SMYD3: variants seen among roughly 807,000 people sequenced by gnomAD.
SMYD3 encodes SET and MYND domain containing 3, also known as histone-lysine N-methyltransferase SMYD3.
In SMYD3, 36 loss-of-function variants were observed where a neutral mutation model predicts 57.7. The ratio of observed to expected loss-of-function variants is 0.62; its 90% CI spans 0.48 to 0.82. The LOEUF (loss-of-function observed/expected upper bound fraction) is 0.82. Among genes scored for constraint, SMYD3 ranks in the 40% least tolerant of loss-of-function variants. SMYD3 has a pLI of 0.00. For synonymous variants in SMYD3, 211 were observed against 195.0 expected (o/e 1.08, Z -0.68); for missense variants, 515 against 538.8 (o/e 0.96, Z 0.44).
At chr1:246,361,021 A>C (rs918699154) in intron 1 of SMYD3, among the ~76,000 whole-genome samples, 7 of 152,248 alleles carry the variant, frequency 4.6e-5, no homozygotes, top group Admixed American at 3.3e-4. Context: ...CAAACCACAG[A>C]GTGGGAGAAA....
intron 5 of SMYD3, among the ~76,000 whole-genome samples, chr1:246,300,464 G>A (rs992345714): frequency 3.9e-5 from 6 of 152,140 alleles, no homozygotes; most frequent in Admixed American, 6.6e-5. Context: ...TTAGGTGTAC[G>A]GGTGAGGAAA....
intron 5 of SMYD3, among the ~76,000 whole-genome samples, chr1:245,937,293 G>T (rs1202998358): frequency 6.6e-6 from 1 of 152,206 alleles, no homozygotes; most frequent in Non-Finnish European, 1.5e-5. Flanking sequence ...CTCTCCCACA[G>T]TCAAACTGCC....
At chr1:245,858,149 T>C (rs114798242) in intron 10 of SMYD3, among the ~76,000 whole-genome samples, 1 of 152,144 alleles carries the variant, frequency 6.6e-6, no homozygotes, top group African/African-American at 2.4e-5. Flanking sequence ...TCAAGCTAGG[T>C]CTGAGCCTGC....
At chr1:246,171,498 T>C (rs1427756206) in intron 5 of SMYD3, among the ~76,000 whole-genome samples, 3 of 152,162 alleles carry the variant, frequency 2.0e-5, no homozygotes, top group Non-Finnish European at 4.4e-5. Flanking sequence ...AAGAAATTCA[T>C]TGTTAGGTGA....
intron 5 of SMYD3, among the ~76,000 whole-genome samples, chr1:245,963,320 C>T (rs1028343779): frequency 2.0e-5 from 3 of 152,144 alleles, no homozygotes; most frequent in African/African-American, 7.2e-5. Context: ...AATAAGGTCA[C>T]AGGGCAAGCT....
intron 5 of SMYD3, among the ~76,000 whole-genome samples, chr1:246,238,156 C>T (rs1425379417): frequency 3.9e-5 from 6 of 152,068 alleles, no homozygotes; most frequent in Non-Finnish European, 5.9e-5. Flanking sequence ...CTCAACCTCC[C>T]GGGCTCAAGC....
At chr1:245,947,579 G>C (rs1472945874) in intron 5 of SMYD3, among the ~76,000 whole-genome samples, 1 of 152,168 alleles carries the variant, frequency 6.6e-6, no homozygotes. Flanking sequence ...GAAGAGCCCA[G>C]AAATAAATTA....
intron 1 of SMYD3, among the ~76,000 whole-genome samples, chr1:246,423,767 C>T (rs1010946135): frequency 1.3e-5 from 2 of 152,052 alleles, no homozygotes; most frequent in Admixed American, 6.6e-5. Context: ...GGTAAGCAGC[C>T]TGTTTAAAAG....
chr1:246,134,983 G>C (rs2061646311), intron 5 of SMYD3, among the ~76,000 whole-genome samples: 1 of 149,700 alleles, frequency 6.7e-6, no homozygotes, highest in Non-Finnish European at 1.5e-5. Flanking sequence ...CTGCTGTTTG[G>C]TACCTTGGTT....
At chr1:245,925,630 CA>C (rs2056317477) in intron 7 of SMYD3, among the ~76,000 whole-genome samples, 1 of 152,126 alleles carries the variant, frequency 6.6e-6, no homozygotes, top group Non-Finnish European at 1.5e-5. Flanking sequence ...ATAGTGTCCC[CA>C]CAAGAAATAC....
At chr1:246,335,576 C>A in intron 2 of SMYD3, 102 bp from the exon 3 acceptor site, 2 of 820,536 alleles carry the variant, frequency 2.4e-6, no homozygotes, top group South Asian at 1.6e-5. Flanking sequence ...TTTTAATAGT[C>A]CAAATGTAAC....
chr1:245,931,520 G>A (rs921408634), intron 5 of SMYD3, among the ~76,000 whole-genome samples: 1 of 152,112 alleles, frequency 6.6e-6, no homozygotes, highest in Non-Finnish European at 1.5e-5. Context: ...TTCTGTTTTG[G>A]TTAAGTTAAA....
At chr1:246,147,489 G>A (rs577516925) in intron 5 of SMYD3, among the ~76,000 whole-genome samples, 53 of 152,326 alleles carry the variant, frequency 3.5e-4, no homozygotes, top group African/African-American at 1.2e-3. Context: ...GCAACAGGGA[G>A]GCCGGCTAGG....
At chr1:246,472,804 T>C (rs2067978218) in intron 1 of SMYD3, among the ~76,000 whole-genome samples, 2 of 150,832 alleles carry the variant, frequency 1.3e-5, no homozygotes, top group African/African-American at 4.9e-5. Flanking sequence ...AAGGCAATCA[T>C]ATCTAACTAT....
At chr1:246,410,978 C>G (rs927477938) in intron 1 of SMYD3, among the ~76,000 whole-genome samples, 9 of 152,244 alleles carry the variant, frequency 5.9e-5, no homozygotes, top group African/African-American at 2.2e-4. Flanking sequence ...ATAGTATTCT[C>G]TGATGGTAGT....
At chr1:246,314,866 GC>G (rs1205598812) in intron 5 of SMYD3, among the ~76,000 whole-genome samples, 1 of 152,164 alleles carries the variant, frequency 6.6e-6, no homozygotes, top group African/African-American at 2.4e-5. Flanking sequence ...TTAATTTTCT[GC>G]CTTTACACAG....
chr1:246,319,624 G>A (rs556104307), intron 5 of SMYD3, among the ~76,000 whole-genome samples: 1 of 152,158 alleles, frequency 6.6e-6, no homozygotes, highest in South Asian at 2.1e-4. Context: ...CTAAAATCTG[G>A]TCCTACATGA....
intron 9 of SMYD3, among the ~76,000 whole-genome samples, chr1:245,862,193 T>A (rs1344535001): frequency 6.6e-6 from 1 of 152,156 alleles, no homozygotes; most frequent in Non-Finnish European, 1.5e-5. Context: ...TTTTTCTATA[T>A]CCTTTTTAAT....
intron 10 of SMYD3, among the ~76,000 whole-genome samples, chr1:245,813,207 G>A (rs1457033262): frequency 6.6e-6 from 1 of 151,934 alleles, no homozygotes; most frequent in South Asian, 2.1e-4. Context: ...GAGAGACGGC[G>A]TTTCACTATG....
Sources: gnomAD v4.1 joint callset for allele counts (sites outside exome capture counted in the v4.1 genomes callset) on GRCh38, gnomAD v4.1.1 for gene constraint, MANE v1.5 for transcripts, NCBI Gene and HGNC (gene_info 2026-07-23, HGNC 2026-07-21) for gene names.